CCSER1: variants seen among roughly 807,000 people sequenced by gnomAD.
CCSER1 encodes the protein serine-rich coiled-coil domain-containing protein 1.
Under a neutral mutation model 82.0 loss-of-function variants are expected in CCSER1, and 41 were observed. That is an observed-to-expected ratio of 0.50 (90% confidence interval 0.39 to 0.65). The LOEUF is 0.65. CCSER1 is among the 30% of genes least tolerant of loss of function. The pLI is 0.00. For missense variants in CCSER1, 1,119 were observed against 1,064.2 expected (o/e 1.05, Z -0.72); for synonymous variants, 414 against 383.9 (o/e 1.08, Z -0.92).
At chr4:90,714,981 G>A (rs1398707490) in intron 6 of CCSER1, among the ~76,000 whole-genome samples, 1 of 151,820 alleles carries the variant, frequency 6.6e-6, no homozygotes, top group African/African-American at 2.4e-5. Context: ...AAATGAGAAA[G>A]TGCCCTGATT....
chr4:90,238,813 G>C (rs928113232), intron 1 of CCSER1, among the ~76,000 whole-genome samples: 1 of 151,884 alleles, frequency 6.6e-6, no homozygotes, highest in Admixed American at 6.6e-5. Context: ...TCTGAAAACA[G>C]TCTTTTTAAA....
intron 10 of CCSER1, among the ~76,000 whole-genome samples, chr4:91,514,739 A>C (rs1215973800): frequency 6.6e-6 from 1 of 152,210 alleles, no homozygotes; most frequent in Non-Finnish European, 1.5e-5. Context: ...GTTTAGTTCC[A>C]GTCAAAGTCT....
intron 7 of CCSER1, among the ~76,000 whole-genome samples, chr4:90,740,534 A>G (rs765100092): frequency 6.6e-6 from 1 of 152,168 alleles, no homozygotes; most frequent in Non-Finnish European, 1.5e-5. Context: ...ACATTAGCAA[A>G]TACTTTCATG....
intron 1 of CCSER1, among the ~76,000 whole-genome samples, chr4:90,280,172 C>A (rs17016709): frequency 0.046 from 6,997 of 151,962 alleles, 402 homozygotes; most frequent in East Asian, 0.23. Flanking sequence ...TGATTAAAGT[C>A]TTTTCCATAT....
intron 10 of CCSER1, among the ~76,000 whole-genome samples, chr4:91,500,508 C>G (rs913608073): frequency 6.6e-6 from 1 of 151,776 alleles, no homozygotes; most frequent in Non-Finnish European, 1.5e-5. Flanking sequence ...TAATATAGTT[C>G]TTTTTCATTT....
chr4:91,215,816 A>G (rs1393362077), intron 10 of CCSER1, among the ~76,000 whole-genome samples: 1 of 152,154 alleles, frequency 6.6e-6, no homozygotes, highest in Non-Finnish European at 1.5e-5. Flanking sequence ...ATTCTGAAGA[A>G]CCCAATGATG....
chr4:90,272,078 G>A (rs76427776), intron 1 of CCSER1, among the ~76,000 whole-genome samples: 7,290 of 151,100 alleles, frequency 0.048, 465 homozygotes, highest in African/African-American at 0.15. Context: ...CGACAACAGC[G>A]TGGGGGAAAC....
At chr4:91,085,818 G>C (rs770554947) in intron 9 of CCSER1, 132 bp from the exon 10 acceptor site, 4 of 625,236 alleles carry the variant, frequency 6.4e-6, no homozygotes, top group Non-Finnish European at 1.1e-5. Flanking sequence ...CCATGAGATA[G>C]TCATCTATAT....
intron 1 of CCSER1, among the ~76,000 whole-genome samples, chr4:90,267,973 A>G (rs1293663544): frequency 6.6e-6 from 1 of 152,226 alleles, no homozygotes; most frequent in Non-Finnish European, 1.5e-5. Flanking sequence ...GAAACCTTAC[A>G]GGCCAGGAGA....
intron 8 of CCSER1, among the ~76,000 whole-genome samples, chr4:90,821,938 G>A (rs539180211): frequency 2.0e-5 from 3 of 152,108 alleles, no homozygotes; most frequent in East Asian, 3.9e-4. Context: ...GTTTTGGGGG[G>A]ATGGATATGT....
chr4:90,233,028 A>C (rs1366555773), intron 1 of CCSER1, among the ~76,000 whole-genome samples: 1 of 151,934 alleles, frequency 6.6e-6, no homozygotes, highest in Non-Finnish European at 1.5e-5. Flanking sequence ...TGTTGGTGGG[A>C]CTGTAAGCTA....
rs181727298 is a variant in CCSER1 at position 90,383,442 on chromosome 4, C to T, written c.1510-16594C>T. 9.1e-4 allele frequency among the ~76,000 whole-genome samples: 138 copies of T among 152,232 alleles called. 3 individuals carry two copies. The highest frequency in any genetic ancestry group is 8.8e-3 in the Admixed American group (135 of 15,288). On this transcript the variant is annotated intron_variant, in intron 3 of 10. Coordinates refer to ENST00000509176, the MANE Select transcript of CCSER1 (RefSeq NM_001145065.2). ...CCATAGAAAATAGTAAAAATGGTAG[C>T]ATAACTGTTTGGGAAGTCATAAGGA... is the stretch of plus-strand genomic sequence containing the variant.
At chr4:90,261,705 A>T (rs1724359458) in intron 1 of CCSER1, among the ~76,000 whole-genome samples, 1 of 152,138 alleles carries the variant, frequency 6.6e-6, no homozygotes, top group African/African-American at 2.4e-5. Flanking sequence ...TCAAACTTTT[A>T]GTCTTCTCTT....
chr4:91,395,364 C>T (rs1391724665), intron 10 of CCSER1, among the ~76,000 whole-genome samples: 1 of 152,046 alleles, frequency 6.6e-6, no homozygotes, highest in Non-Finnish European at 1.5e-5. Flanking sequence ...TATGTGAGGA[C>T]AGATTCAGGG....
At chr4:90,765,348 A>T (rs1340237337) in intron 7 of CCSER1, among the ~76,000 whole-genome samples, 3 of 152,086 alleles carry the variant, frequency 2.0e-5, no homozygotes, top group Non-Finnish European at 4.4e-5. Context: ...TGCAGATTTT[A>T]AACAGAGTGA....
intron 9 of CCSER1, among the ~76,000 whole-genome samples, chr4:90,958,870 T>C (rs1174720456): frequency 6.6e-6 from 1 of 152,186 alleles, no homozygotes; most frequent in African/African-American, 2.4e-5. Context: ...CCTGAGCAGA[T>C]TAAGACAGAT....
intron 9 of CCSER1, among the ~76,000 whole-genome samples, chr4:91,074,843 C>A (rs950718447): frequency 6.6e-6 from 1 of 152,138 alleles, no homozygotes; most frequent in Non-Finnish European, 1.5e-5. Flanking sequence ...CTACTTTCTA[C>A]ATGTTAAGAA....
At chr4:90,651,088 A>G (rs1318034771) in intron 6 of CCSER1, among the ~76,000 whole-genome samples, 2 of 150,738 alleles carry the variant, frequency 1.3e-5, no homozygotes, top group African/African-American at 4.9e-5. Context: ...TACTACAGAT[A>G]GAGAGAAAGA....
intron 5 of CCSER1, among the ~76,000 whole-genome samples, chr4:90,550,431 T>C (rs1777317677): frequency 6.6e-6 from 1 of 152,210 alleles, no homozygotes; most frequent in Non-Finnish European, 1.5e-5. Context: ...TCTATAGTAT[T>C]GTTTCATTTA....
Sources: gnomAD v4.1 joint callset for allele counts (sites outside exome capture counted in the v4.1 genomes callset) on GRCh38, gnomAD v4.1.1 for gene constraint, MANE v1.5 for transcripts, NCBI Gene and HGNC (gene_info 2026-07-23, HGNC 2026-07-21) for gene names.